FRMPD1: variants seen among roughly 807,000 people sequenced by gnomAD.
The protein encoded by FRMPD1 is FERM and PDZ domain-containing protein 1.
A neutral mutation model predicts 117.8 loss-of-function variants in FRMPD1; 76 were observed. The ratio of observed to expected loss-of-function variants is 0.65; its 90% CI spans 0.54 to 0.78. FRMPD1 has a LOEUF of 0.78. Among genes scored for constraint, FRMPD1 ranks in the 30% least tolerant of loss-of-function variants. The probability of loss-of-function intolerance (pLI) is 0.00; values close to 1 mark genes in which losing one functional copy is unlikely to be tolerated. For synonymous variants in FRMPD1, 783 were observed against 770.4 expected (o/e 1.02, Z -0.27); for missense variants, 1,786 against 1,964.5 (o/e 0.91, Z 1.72).
At chr9:37,644,550 G>GC in the FRMPD1 span, among the ~76,000 whole-genome samples, 35 of 152,294 alleles carry the variant, frequency 2.3e-4, no homozygotes, top group South Asian at 8.3e-4. Flanking sequence ...TTGGAAGGTG[G>GC]CCCCCCATCT....
the FRMPD1 span, among the ~76,000 whole-genome samples, chr9:37,638,043 T>C: frequency 7.6e-6 from 1 of 131,274 alleles, no homozygotes; most frequent in Non-Finnish European, 1.7e-5. Context: ...TCTTCCTTTC[T>C]TTCTTTCCTT....
chr9:37,743,471 A>T (rs1013977445), intron 15 of FRMPD1, among the ~76,000 whole-genome samples: 20 of 134,014 alleles, frequency 1.5e-4, no homozygotes, highest in African/African-American at 5.2e-4. Context: ...TAGTCACAGG[A>T]TTCCCTACCT....
At chr9:37,610,101 T>C in the FRMPD1 span, among the ~76,000 whole-genome samples, 4 of 152,232 alleles carry the variant, frequency 2.6e-5, no homozygotes, top group African/African-American at 9.6e-5. Context: ...CTACATAGTT[T>C]TCTTAATTTG....
chr9:37,652,702 TC>T (rs1223568029), intron 1 of FRMPD1, among the ~76,000 whole-genome samples: 3 of 152,218 alleles, frequency 2.0e-5, no homozygotes, highest in Admixed American at 2.0e-4. Context: ...ATGCCACCAG[TC>T]TTTTCCCTCT....
At chr9:37,619,770 AAAAG>A in the FRMPD1 span, among the ~76,000 whole-genome samples, 1 of 151,970 alleles carries the variant, frequency 6.6e-6, no homozygotes, top group Non-Finnish European at 1.5e-5. Flanking sequence ...AAAAAAAAAA[AAAAG>A]AAATTGAATC....
At chr9:37,735,472 G>A (rs1345566210) in intron 12 of FRMPD1, 80 bp from the exon 13 acceptor site, 20 of 1,034,242 alleles carry the variant, frequency 1.9e-5, no homozygotes, top group Non-Finnish European at 2.4e-5. Flanking sequence ...AGTTTGCAGC[G>A]AGAGGTATTA....
chr9:37,705,113 T>C (rs554927565), intron 2 of FRMPD1, among the ~76,000 whole-genome samples: 1 of 152,300 alleles, frequency 6.6e-6, no homozygotes, highest in South Asian at 2.1e-4. Flanking sequence ...GGCTGTGTTT[T>C]GTGTTTTTAT....
intron 1 of FRMPD1, among the ~76,000 whole-genome samples, chr9:37,670,762 C>T (rs10973479): frequency 0.095 from 14,539 of 152,256 alleles, 993 homozygotes; most frequent in African/African-American, 0.19. Flanking sequence ...GTGAAGTAGA[C>T]TGAAGTATGT....
the FRMPD1 span, among the ~76,000 whole-genome samples, chr9:37,632,445 A>T: frequency 2.0e-5 from 3 of 152,238 alleles, no homozygotes; most frequent in African/African-American, 7.2e-5. Context: ...TTGGCTTCAA[A>T]CATGGCTGGA....
rs1822903895 is a variant in FRMPD1 at position 37,711,364 on chromosome 9, C to T, written c.377C>T (p.Ser126Phe). ...TCTTTTTTCAGGGAAGCAGAAGATT[C>T]TCTTTCAATCACAGTTGTTCGCTGC... is the stretch of plus-strand genomic sequence containing the variant. ...AVDILREAED[S>F]LSITVVRCTS... The change falls in exon 5 of 16, where the codon TCT (serine) becomes TTT (phenylalanine). Residue 126 changes from serine to phenylalanine, a missense_variant. By Grantham distance (155) the Ser-to-Phe change is radical (BLOSUM62 -2). Coordinates refer to ENST00000377765, the MANE Select transcript of FRMPD1 (RefSeq NM_014907.3). The T allele has an allele frequency of 2.5e-6, 4 of 1,609,374 alleles. No individual in the cohort carries two copies. The highest frequency in any genetic ancestry group is 3.4e-6 in the Non-Finnish European group (4 of 1,175,712).
intron 13 of FRMPD1, among the ~76,000 whole-genome samples, chr9:37,736,452 A>T (rs57288574): frequency 0.024 from 3,594 of 150,066 alleles, 147 homozygotes; most frequent in African/African-American, 0.083. Context: ...AATCACTTAA[A>T]CCCAGGAGGC....
chr9:37,690,249 T>C (rs1588930296), intron 1 of FRMPD1, among the ~76,000 whole-genome samples: 1 of 152,216 alleles, frequency 6.6e-6, no homozygotes, highest in Middle Eastern at 3.4e-3. Context: ...CTGTTTTTAT[T>C]AATAATTGAA....
At chr9:37,636,990 A>T in the FRMPD1 span, 6 of 1,578,630 alleles carry the variant, frequency 3.8e-6, no homozygotes, top group Non-Finnish European at 5.2e-6. Flanking sequence ...TCCTGCAGCC[A>T]CTGCTTCACG....
the FRMPD1 span, among the ~76,000 whole-genome samples, chr9:37,614,820 A>G: frequency 1.7e-3 from 253 of 152,370 alleles, 2 homozygotes; most frequent in African/African-American, 5.7e-3. Flanking sequence ...TTATTAACTC[A>G]TGGTAAGAAA....
intron 1 of FRMPD1, among the ~76,000 whole-genome samples, chr9:37,673,579 C>G (rs1468209699): frequency 6.6e-6 from 1 of 152,238 alleles, no homozygotes; most frequent in African/African-American, 2.4e-5. Flanking sequence ...GGGGCTCCCA[C>G]CCCACATTTC....
Position 37,729,812 on chromosome 9 carries a change from T to TCC in FRMPD1, c.699_700dup (p.Arg234ProfsTer16). ...GGCCCTGGAAGAGCAGTACAGCATC[T>TCC]CCCGGCTGCACCTGCTGCACGAAGA... On this transcript the variant is annotated frameshift_variant, in exon 8 of 16. Coordinates refer to ENST00000377765, the MANE Select transcript of FRMPD1 (RefSeq NM_014907.3). LOFTEE classifies it high-confidence loss of function. 1 of 1,614,028 alleles carries TCC rather than the reference T, an allele frequency of 6.2e-7. No homozygotes were observed.
the FRMPD1 span, chr9:37,637,100 G>C: frequency 6.3e-7 from 1 of 1,583,060 alleles, no homozygotes; most frequent in Non-Finnish European, 8.7e-7. Flanking sequence ...TTCCTGGCCC[G>C]CCGTGTCCCA....
At chr9:37,681,278 T>C (rs1040088589) in intron 1 of FRMPD1, among the ~76,000 whole-genome samples, 14 of 151,778 alleles carry the variant, frequency 9.2e-5, no homozygotes, top group Admixed American at 2.0e-4. Context: ...TTATCTCAGC[T>C]TCTTATGGCC....
chr9:37,641,617 A>C, the FRMPD1 span, among the ~76,000 whole-genome samples: 3 of 152,248 alleles, frequency 2.0e-5, no homozygotes, highest in Non-Finnish European at 4.4e-5. Context: ...AGTACACAGT[A>C]CATAGTAACA....
Sources: gnomAD v4.1 joint callset for allele counts (sites outside exome capture counted in the v4.1 genomes callset) on GRCh38, gnomAD v4.1.1 for gene constraint, MANE v1.5 for transcripts, NCBI Gene and HGNC (gene_info 2026-07-23, HGNC 2026-07-21) for gene names.